The following KLF15 variants were observed in gnomAD, a reference collection of about 807,000 sequenced individuals.
KLF15 encodes the protein Krueppel-like factor 15.
A neutral mutation model predicts 24.6 loss-of-function variants in KLF15; 4 were observed. That is an observed-to-expected ratio of 0.16 (90% CI 0.08 to 0.37). The LOEUF (loss-of-function observed/expected upper bound fraction) is 0.37. Among genes scored for constraint, KLF15 ranks in the 10% least tolerant of loss-of-function variants. The pLI is 1.00. For synonymous variants in KLF15, 246 were observed against 236.3 expected, an observed-to-expected ratio of 1.04 and a Z score of -0.37; for missense variants, 496 against 560.6, an observed-to-expected ratio of 0.88 and a Z score of 1.16.
At chr3:126,331,665 G>A in the KLF15 span, among the ~76,000 whole-genome samples, 7 of 152,224 alleles carry the variant, frequency 4.6e-5, no homozygotes, top group African/African-American at 1.4e-4. Flanking sequence ...CAGCGTGAGC[G>A]ACGCAGAAGA....
the KLF15 span, among the ~76,000 whole-genome samples, chr3:126,309,204 A>G: frequency 6.6e-6 from 1 of 152,260 alleles, no homozygotes; most frequent in South Asian, 2.1e-4. Flanking sequence ...CTGAAGGGAC[A>G]GGGAAATGGG....
Position 126,352,834 on chromosome 3 carries a change from C to T in KLF15, c.89G>A (p.Arg30Gln), listed in dbSNP as rs1200790039. 1.6e-5 allele frequency: 26 copies of T among 1,608,822 alleles called. No homozygotes were observed. The highest frequency in any genetic ancestry group is 2.0e-5 in the Non-Finnish European group (24 of 1,178,040). ...GYLGDRLVGR[R>Q]AYHMLPSPVS... ...GGGTGAGGGCAGCATGTGATATGCC[C>T]GCCGGCCAACCAGCCTATCACCCAG... Residue 30 changes from arginine (R) to glutamine (Q), a missense_variant, in exon 2 of 3, where the codon CGG (arginine) becomes CAG (glutamine). By Grantham distance (43) the Arg-to-Gln change is conservative. Around this residue, in one of 3 missense-constraint regions of KLF15, gnomAD observed 399 missense variants for 423.1 expected, o/e 0.94. Coordinates refer to ENST00000296233, the MANE Select transcript of KLF15 (RefSeq NM_014079.4).
the KLF15 span, among the ~76,000 whole-genome samples, chr3:126,323,415 A>ATATATATAACATATATATGT: frequency 8.1e-5 from 3 of 36,838 alleles, no homozygotes; most frequent in East Asian, 6.8e-4. Flanking sequence ...ATATATATAT[A>ATATATATAACATATATATGT]TATATATATA....
At chr3:126,299,720 G>T in the KLF15 span, among the ~76,000 whole-genome samples, 1 of 127,698 alleles carries the variant, frequency 7.8e-6, no homozygotes, top group Middle Eastern at 5.6e-3. Flanking sequence ...CTGCACTCCA[G>T]CCTGTCAACA....
Position 126,353,480 on chromosome 3 carries a change from A to G in KLF15, c.-25-533T>C, listed in dbSNP as rs140888940. ...GATTACGCAAATAAAAATACAAGCC[A>G]ACAGTTACATTCGAATTTCAGATTT... On this transcript the variant is annotated intron_variant, in intron 1 of 2. Coordinates refer to ENST00000296233, the MANE Select transcript of KLF15 (RefSeq NM_014079.4). 7.4e-3 allele frequency among the ~76,000 whole-genome samples: 1,135 copies of G among 152,354 alleles called. 18 individuals carry two copies. Among genetic ancestry groups the G allele is most frequent in the African/African-American group, 0.026 (1,082 of 41,588 alleles).
the KLF15 span, among the ~76,000 whole-genome samples, chr3:126,309,811 G>A: frequency 1.6e-4 from 24 of 152,294 alleles, no homozygotes; most frequent in East Asian, 2.3e-3. Context: ...GCACCAGAAC[G>A]TCAGGAAGTG....
At chr3:126,329,200 C>G in the KLF15 span, among the ~76,000 whole-genome samples, 1 of 152,240 alleles carries the variant, frequency 6.6e-6, no homozygotes, top group Non-Finnish European at 1.5e-5. Context: ...CCTCTCTTAT[C>G]ATATAAGTAA....
the KLF15 span, among the ~76,000 whole-genome samples, chr3:126,300,840 G>A: frequency 6.6e-6 from 1 of 152,212 alleles, no homozygotes; most frequent in Non-Finnish European, 1.5e-5. Context: ...GCACCTGGTA[G>A]AGGAAGCACA....
chr3:126,302,985 A>AT, the KLF15 span, among the ~76,000 whole-genome samples: 1 of 151,888 alleles, frequency 6.6e-6, no homozygotes, highest in Non-Finnish European at 1.5e-5. Context: ...TTAATTGAGC[A>AT]TTTTTTTATT....
At chr3:126,342,620 A>G (rs958992460), downstream of KLF15, 2 of 152,638 alleles carry the variant, frequency 1.3e-5, no homozygotes, top group Non-Finnish European at 2.9e-5. Context: ...AAAACAGCAC[A>G]TGAATGCCAA....
At chr3:126,317,512 T>C in the KLF15 span, among the ~76,000 whole-genome samples, 1 of 152,192 alleles carries the variant, frequency 6.6e-6, no homozygotes, top group Non-Finnish European at 1.5e-5. Context: ...AGAGTTGAAC[T>C]GCTTTATGAC....
At chr3:126,304,387 C>T in the KLF15 span, among the ~76,000 whole-genome samples, 1 of 152,208 alleles carries the variant, frequency 6.6e-6, no homozygotes, top group East Asian at 1.9e-4. Context: ...GAAACAGGCA[C>T]TCTATGGACC....
the KLF15 span, among the ~76,000 whole-genome samples, chr3:126,314,785 TGC>T: frequency 1.3e-5 from 2 of 152,256 alleles, no homozygotes; most frequent in African/African-American, 2.4e-5. Context: ...GTCTGTCTAT[TGC>T]ATCAGCATCG....
the KLF15 span, among the ~76,000 whole-genome samples, chr3:126,307,564 C>A: frequency 2.0e-5 from 3 of 152,212 alleles, no homozygotes; most frequent in Admixed American, 2.0e-4. Context: ...CGCTACAGCA[C>A]CTTCCCTCTC....
the KLF15 span, among the ~76,000 whole-genome samples, chr3:126,326,979 A>G: frequency 1.3e-5 from 2 of 152,114 alleles, no homozygotes; most frequent in Admixed American, 6.5e-5. Flanking sequence ...CCTCCCCGAC[A>G]CATCACATAG....
the KLF15 span, among the ~76,000 whole-genome samples, chr3:126,327,934 G>C: frequency 6.6e-6 from 1 of 152,288 alleles, no homozygotes; most frequent in East Asian, 1.9e-4. Context: ...AAGAAAGATT[G>C]CAGTCTTTTT....
At chr3:126,348,238 A>C (rs1373352325) in intron 2 of KLF15, among the ~76,000 whole-genome samples, 2 of 152,120 alleles carry the variant, frequency 1.3e-5, no homozygotes, top group Non-Finnish European at 2.9e-5. Flanking sequence ...CCTCTGTGAA[A>C]TAGGGACAAC....
rs2082633182 is a variant in KLF15 at position 126,356,460 on chromosome 3, A to G, written c.-26+777T>C. Among the ~76,000 whole-genome samples the G allele has an allele frequency of 3.3e-5, 5 of 151,992 alleles. No homozygotes were observed. Among genetic ancestry groups the G allele is most frequent in the Admixed American group, 3.3e-4 (5 of 15,266 alleles). On this transcript the variant is annotated intron_variant, in intron 1 of 2. Coordinates refer to ENST00000296233, the MANE Select transcript of KLF15 (RefSeq NM_014079.4). The surrounding 1 kb of genome is among the most constrained non-coding windows in gnomAD (Gnocchi z 4.4). ...AACCGGACCACCATATGGGATGGGG[A>G]CGGCCTCTCTGCCCCGCCGCCGCCA...
chr3:126,352,668 C>A lies in KLF15; in HGVS notation c.255G>T (p.Thr85=), dbSNP rs1262879992. 4 of 1,598,438 alleles carry A rather than the reference C, an allele frequency of 2.5e-6. No homozygotes were observed. Among genetic ancestry groups the A allele is most frequent in the East Asian group, 2.3e-5 (1 of 44,094 alleles). ...TGCCGCTGCCCCCGCCACTGCCCAGCGTGGCCTGGGACAATAGGAAGTCCA... is the reference window on the plus strand; with the variant it reads ...TGCCGCTGCCCCCGCCACTGCCCAGAGTGGCCTGGGACAATAGGAAGTCCA... The part of the protein sequence containing the change: ...SILDFLLSQA[T]LGSGGGSGSS... The change falls in exon 2 of 3, where the codon ACG becomes ACT. Residue 85 remains threonine (T), a synonymous_variant. Transcript: ENST00000296233.
Sources: gnomAD v4.1 joint callset for allele counts (sites outside exome capture counted in the v4.1 genomes callset) on GRCh38, gnomAD v4.1.1 for gene constraint, gnomAD v4.1.1 regional missense constraint, Gnocchi (gnomAD v3.1) non-coding constraint, MANE v1.5 for transcripts, NCBI Gene and HGNC (gene_info 2026-07-23, HGNC 2026-07-21) for gene names.